VPS39: variants seen among roughly 807,000 people sequenced by gnomAD.
The protein encoded by VPS39 is VPS39 subunit of HOPS complex, also known as vam6/Vps39-like protein.
Under a neutral mutation model 121.0 loss-of-function variants are expected in VPS39, and 70 were observed. The observed-to-expected ratio is 0.58, with a 90% CI of 0.48 to 0.71. The LOEUF is 0.71. Ranked by LOEUF, VPS39 falls within the 30% of genes least tolerant of loss-of-function variation. The pLI is 0.00. For missense variants in VPS39, 818 were observed against 1,051.5 expected (o/e 0.78, Z 3.07); for synonymous variants, 378 against 398.1 (o/e 0.95, Z 0.60).
chr15:42,181,133 G>A (rs2049572813), intron 8 of VPS39, among the ~76,000 whole-genome samples: 1 of 152,160 alleles, frequency 6.6e-6, no homozygotes, highest in Non-Finnish European at 1.5e-5. Flanking sequence ...TCCACGAACG[G>A]ATGGATAAAC....
At chr15:42,163,570 C>T (rs2049182024) in intron 20 of VPS39, 56 bp downstream of exon 20, 3 of 1,556,526 alleles carry the variant, frequency 1.9e-6, no homozygotes, top group South Asian at 2.3e-5. Flanking sequence ...ACTCTCATCT[C>T]TCTGCAGGGC....
At chr15:42,172,671 T>C (rs1457660368) in intron 11 of VPS39, among the ~76,000 whole-genome samples, 3 of 152,230 alleles carry the variant, frequency 2.0e-5, no homozygotes, top group Non-Finnish European at 4.4e-5. Flanking sequence ...GCCCAGCCTG[T>C]CCTGGCTACA....
chr15:42,179,303 C>T (rs925684047), intron 8 of VPS39, among the ~76,000 whole-genome samples: 1 of 151,956 alleles, frequency 6.6e-6, no homozygotes, highest in African/African-American at 2.4e-5. Context: ...GGTGCAGTGG[C>T]TCACGCCTGT....
At chr15:42,194,537 C>T (rs1230628341) in intron 2 of VPS39, among the ~76,000 whole-genome samples, 1 of 152,024 alleles carries the variant, frequency 6.6e-6, no homozygotes, top group Non-Finnish European at 1.5e-5. Flanking sequence ...AGTTTGGGGC[C>T]ACCCTGGGCA....
intron 1 of VPS39, among the ~76,000 whole-genome samples, chr15:42,206,022 G>A (rs2050163860): frequency 6.6e-6 from 1 of 152,184 alleles, no homozygotes; most frequent in Non-Finnish European, 1.5e-5. Context: ...ATGTTTGAGG[G>A]GAGAGGAATC....
chr15:42,195,787 C>T (rs964527068), intron 2 of VPS39, among the ~76,000 whole-genome samples: 2 of 152,136 alleles, frequency 1.3e-5, no homozygotes, highest in Non-Finnish European at 2.9e-5. Flanking sequence ...ATCAAGCTAC[C>T]AATGACTGTC....
intron 1 of VPS39, among the ~76,000 whole-genome samples, chr15:42,205,925 T>C (rs2050161863): frequency 6.6e-6 from 1 of 152,028 alleles, no homozygotes; most frequent in Admixed American, 6.6e-5. Flanking sequence ...ATGAAAGAAG[T>C]CAAGAACGAT....
At chr15:42,199,452 C>T in intron 2 of VPS39, 1 of 335,702 alleles carries the variant, frequency 3.0e-6, no homozygotes, top group Non-Finnish European at 5.8e-6. Flanking sequence ...CACATGAAGG[C>T]AAACCCTGGT....
chr15:42,161,785 G>A lies in VPS39; in HGVS notation c.2461-12C>T, dbSNP rs1354828732. On this transcript the variant is annotated splice_polypyrimidine_tract_variant and intron_variant, in intron 23 of 24. Transcript: ENST00000318006. ...CGCTCTTCCTGGACCTGGAAGAACA[G>A]GGGGATTGAGGAAGAAGTTCTACAG... The A allele has an allele frequency of 1.9e-6, 3 of 1,613,648 alleles. No individual in the cohort carries two copies. Among genetic ancestry groups the A allele is most frequent in the African/African-American group, 2.7e-5 (2 of 74,936 alleles).
At chr15:42,183,555 C>T (rs627478) in intron 8 of VPS39, among the ~76,000 whole-genome samples, 1 of 152,126 alleles carries the variant, frequency 6.6e-6, no homozygotes, top group African/African-American at 2.4e-5. Flanking sequence ...TCTCCCAAAT[C>T]GGCATGTCTT....
intron 2 of VPS39, among the ~76,000 whole-genome samples, chr15:42,195,514 T>C (rs1052434351): frequency 1.3e-5 from 2 of 152,146 alleles, no homozygotes; most frequent in African/African-American, 4.8e-5. Context: ...ACAAGCATTC[T>C]TATACACCAA....
rs994118127 is a variant in VPS39, at chr15:42,169,908, A to G, written c.1091-42T>C. The G allele has an allele frequency of 6.3e-6, 10 of 1,579,342 alleles. No homozygotes were observed. The Admixed American group carries it at 6.9e-5, about 11-fold the overall frequency. On this transcript the variant is annotated intron_variant, in intron 11 of 24. Transcript: ENST00000318006. ...CATGATTCCTCTGGAAAGGAGCCCA[A>G]CAATTTAGGGATAAAATAAAACAGG...
intron 7 of VPS39, among the ~76,000 whole-genome samples, chr15:42,185,274 G>C (rs2140870470): frequency 6.6e-6 from 1 of 151,788 alleles, no homozygotes; most frequent in East Asian, 1.9e-4. Context: ...CGCCTCCTGG[G>C]TTCAAACAAT....
chr15:42,176,547 T>A (rs950405087), intron 10 of VPS39, among the ~76,000 whole-genome samples: 1 of 151,958 alleles, frequency 6.6e-6, no homozygotes, highest in African/African-American at 2.4e-5. Flanking sequence ...GGGTATTCAC[T>A]GTATTATTTT....
chr15:42,177,737 G>A (rs2049485230), intron 10 of VPS39, among the ~76,000 whole-genome samples: 1 of 151,950 alleles, frequency 6.6e-6, no homozygotes, highest in African/African-American at 2.4e-5. Flanking sequence ...CATGATCTTG[G>A]CTCACCGCAA....
At chr15:42,169,969 T>TA (rs200898817) in intron 11 of VPS39, 103 bp from the exon 12 acceptor site, 19,119 of 945,350 alleles carry the variant, frequency 0.02, 1 homozygote, top group Non-Finnish European at 0.023. Context: ...CAGACTGATT[T>TA]AAAAAAAAAA....
chr15:42,201,227 G>C (rs2140891160), intron 1 of VPS39, among the ~76,000 whole-genome samples: 1 of 152,134 alleles, frequency 6.6e-6, no homozygotes, highest in Middle Eastern at 3.4e-3. Context: ...CCAGGCTAGA[G>C]AGCAGTGGTG....
chr15:42,187,683 A>T (rs965121191), intron 6 of VPS39, 75 bp downstream of exon 6: 10 of 1,289,212 alleles, frequency 7.8e-6, no homozygotes, highest in Middle Eastern at 1.8e-4. Context: ...ACAAGACTGG[A>T]GTCCTGAACT....
chr15:42,162,658 T>TA (rs1454689847), intron 21 of VPS39, 177 bp from the exon 22 acceptor site: 1 of 638,566 alleles, frequency 1.6e-6, no homozygotes, highest in East Asian at 3.1e-5. Context: ...CTGAAGATGT[T>TA]AATTAAGGAT....
Sources: gnomAD v4.1 joint callset for allele counts (sites outside exome capture counted in the v4.1 genomes callset) on GRCh38, gnomAD v4.1.1 for gene constraint, MANE v1.5 for transcripts, NCBI Gene and HGNC (gene_info 2026-07-23, HGNC 2026-07-21) for gene names.